SAMMSON: variants seen among roughly 807,000 people sequenced by gnomAD.
SAMMSON encodes long intergenic non-protein coding RNA 1212.
chr3:70,177,365 C>T (rs966323523), intron 4 of SAMMSON, among the ~76,000 whole-genome samples: 2 of 152,172 alleles, frequency 1.3e-5, no homozygotes, highest in African/African-American at 4.8e-5. Flanking sequence ...CTACCGTGAA[C>T]TGGTCTCTTG....
intron 7 of SAMMSON, among the ~76,000 whole-genome samples, chr3:70,347,520 T>C (rs1702760695): frequency 6.6e-6 from 1 of 152,210 alleles, no homozygotes; most frequent in Admixed American, 6.5e-5. Flanking sequence ...TTTATGCTTC[T>C]CTGTAGCTTC....
rs562968719 is a variant in SAMMSON at position 70,011,420 on chromosome 3, C to T, written n.23-937C>T. The stretch of plus-strand genomic sequence containing the variant: ...AATGATGTTCTTAAATTTAGGGCCC[C>T]TCTTCTCAGCCCTAATATGTGGGTA... On this transcript the variant is annotated intron_variant and non_coding_transcript_variant, in intron 1 of 9. Transcript: ENST00000642114. Among the ~76,000 whole-genome samples, 15 of 152,114 alleles carry T rather than the reference C, an allele frequency of 9.9e-5. No homozygotes were observed. The South Asian group carries it at 3.1e-3, about 32-fold the overall frequency.
chr3:70,088,142 AG>A (rs1031154310), intron 4 of SAMMSON, among the ~76,000 whole-genome samples: 2 of 152,120 alleles, frequency 1.3e-5, no homozygotes, highest in African/African-American at 4.8e-5. Flanking sequence ...CAAATGCTCT[AG>A]GGTTACAGTA....
intron 7 of SAMMSON, among the ~76,000 whole-genome samples, chr3:70,342,645 A>G (rs1188994410): frequency 6.6e-6 from 1 of 152,196 alleles, no homozygotes; most frequent in Non-Finnish European, 1.5e-5. Flanking sequence ...GCTGAAGCAT[A>G]TAACAGGGAG....
chr3:70,244,853 G>A (rs1701691880), intron 4 of SAMMSON, among the ~76,000 whole-genome samples: 1 of 152,056 alleles, frequency 6.6e-6, no homozygotes, highest in Non-Finnish European at 1.5e-5. Context: ...CTTACAATTT[G>A]GGTGGAAAAG....
intron 4 of SAMMSON, among the ~76,000 whole-genome samples, chr3:70,202,185 T>C (rs1017366035): frequency 6.6e-6 from 1 of 152,106 alleles, no homozygotes; most frequent in Admixed American, 6.5e-5. Flanking sequence ...TAGTGACTAG[T>C]AGTCTATTTG....
intron 9 of SAMMSON, among the ~76,000 whole-genome samples, chr3:70,376,527 C>T (rs937771648): frequency 1.3e-5 from 2 of 152,112 alleles, no homozygotes; most frequent in African/African-American, 4.8e-5. Context: ...CATCAGACAC[C>T]TTGTCATAGA....
chr3:70,422,503 C>G (rs779230808), intron 2 of SAMMSON, among the ~76,000 whole-genome samples: 3 of 151,882 alleles, frequency 2.0e-5, no homozygotes, highest in Non-Finnish European at 2.9e-5. Flanking sequence ...TTACTTGGCA[C>G]TAATTTATTG....
chr3:70,125,586 C>T, intron 4 of SAMMSON: 1 of 695,432 alleles, frequency 1.4e-6, no homozygotes, highest in Admixed American at 2.1e-5. Flanking sequence ...TTATTTTTTT[C>T]TCACAATTTT....
chr3:70,027,238 T>C (rs1005743483), intron 3 of SAMMSON, among the ~76,000 whole-genome samples: 1 of 152,176 alleles, frequency 6.6e-6, no homozygotes, highest in Non-Finnish European at 1.5e-5. Flanking sequence ...AGAATGGAAA[T>C]GGGAGAATTG....
At chr3:70,160,526 A>G (rs2067610611) in intron 4 of SAMMSON, among the ~76,000 whole-genome samples, 1 of 151,954 alleles carries the variant, frequency 6.6e-6, no homozygotes, top group Non-Finnish European at 1.5e-5. Flanking sequence ...ATATTTTTGG[A>G]CTCAACTCTC....
intron 4 of SAMMSON, among the ~76,000 whole-genome samples, chr3:70,213,010 T>C (rs1278434266): frequency 6.6e-6 from 1 of 152,154 alleles, no homozygotes; most frequent in Non-Finnish European, 1.5e-5. Context: ...GGTTTCACCA[T>C]GCTGCCTGGG....
At chr3:70,332,584 C>T (rs1011038955) in intron 7 of SAMMSON, among the ~76,000 whole-genome samples, 1 of 152,068 alleles carries the variant, frequency 6.6e-6, no homozygotes. Context: ...AGCACAGTGT[C>T]TGGCACCAGG....
At chr3:70,254,622 C>T (rs1167290686) in intron 6 of SAMMSON, among the ~76,000 whole-genome samples, 5 of 152,118 alleles carry the variant, frequency 3.3e-5, no homozygotes. Flanking sequence ...AAACAATTTT[C>T]CACTATGAAA....
At chr3:70,122,696 C>T (rs1158246021) in intron 4 of SAMMSON, among the ~76,000 whole-genome samples, 3 of 152,158 alleles carry the variant, frequency 2.0e-5, no homozygotes, top group Non-Finnish European at 4.4e-5. Context: ...CTATTTCAGG[C>T]ATGTATTCCT....
At chr3:70,304,852 C>T (rs1350631745) in intron 7 of SAMMSON, among the ~76,000 whole-genome samples, 1 of 152,180 alleles carries the variant, frequency 6.6e-6, no homozygotes, top group African/African-American at 2.4e-5. Context: ...CAAGGTTCTG[C>T]ATTATTTCCA....
chr3:70,375,478 G>T (rs2686540), intron 9 of SAMMSON, among the ~76,000 whole-genome samples: 1 of 148,884 alleles, frequency 6.7e-6, no homozygotes. Flanking sequence ...TTTATTACTT[G>T]TCATGAGTGA....
intron 9 of SAMMSON, among the ~76,000 whole-genome samples, chr3:70,369,885 AC>A (rs2106745226): frequency 6.6e-6 from 1 of 151,902 alleles, no homozygotes; most frequent in South Asian, 2.1e-4. Context: ...TATTTATAAT[AC>A]TCTGCTGTTG....
At position 70,087,573 on chromosome 3, in the gene SAMMSON, T is replaced by C. The variant is rs921309370; in HGVS notation, n.507+16008T>C. 8.5e-5 allele frequency among the ~76,000 whole-genome samples: 13 copies of C among 152,314 alleles called. No homozygotes were observed. In the Middle Eastern group the frequency reaches 0.01, roughly 120 times the overall value. On this transcript the variant is annotated intron_variant and non_coding_transcript_variant, in intron 4 of 9. Transcript: ENST00000642114. ...GAGATCCAAGTGGTATAGCCACGCATGTTCTCATTAGCAGAGATGACACTG... is the reference window on the plus strand; with the variant it reads ...GAGATCCAAGTGGTATAGCCACGCACGTTCTCATTAGCAGAGATGACACTG...
Sources: gnomAD v4.1 joint callset for allele counts (sites outside exome capture counted in the v4.1 genomes callset) on GRCh38, gnomAD v4.1.1 for gene constraint, MANE v1.5 for transcripts, NCBI Gene and HGNC (gene_info 2026-07-23, HGNC 2026-07-21) for gene names.